Variants in CCDC196 observed in about 807,000 individuals in gnomAD.
CCDC196 encodes the protein coiled-coil domain-containing protein 196.
chr14:66,490,608 T>C (rs1179791474), intron 4 of CCDC196, 134 bp from the exon 5 acceptor site: 1 of 396,480 alleles, frequency 2.5e-6, no homozygotes, highest in Non-Finnish European at 4.4e-6. Context: ...CAACTCCCTT[T>C]GGTAGTACAC....
At chr14:66,494,074 A>G (rs1315503104) in intron 8 of CCDC196, 1 of 152,234 alleles carries the variant, frequency 6.6e-6, no homozygotes, top group Non-Finnish European at 1.5e-5. Context: ...TCAACTTTGA[A>G]TTGGAACAGC....
chr14:66,487,357 T>C (rs138809773), intron 2 of CCDC196, among the ~76,000 whole-genome samples: 21 of 152,278 alleles, frequency 1.4e-4, no homozygotes, highest in Non-Finnish European at 2.8e-4. Context: ...CTTTATTCTA[T>C]ACCCTTATCA....
Position 66,498,167 on chromosome 14 carries a change from G to A in CCDC196, c.774G>A (p.Val258=), listed in dbSNP as rs960051966. ...RVTTGRNEHH[V]RILGTKIYTE... ...CTACTGGCAGAAATGAACACCATGT[G>A]GTGAGAACTACTTTCTTTAAACAAA... Residue 258 remains valine, a splice_region_variant and synonymous_variant, in exon 9 of 10, where the codon GTG becomes GTA. Coordinates refer to ENST00000636229, the MANE Select transcript of CCDC196 (RefSeq NM_001351576.1). 2.7e-5 allele frequency: 11 copies of A among 412,344 alleles called. No homozygotes were observed. The highest frequency in any genetic ancestry group is 6.2e-5 in the African/African-American group (3 of 48,452). 25.5% of individuals were successfully genotyped at this position (412,344 alleles called of 1,614,324 possible). A position where few individuals can be genotyped will look rare whatever the true frequency, so the allele number is the denominator to read the frequency against.
intron 6 of CCDC196, 83 bp downstream of exon 6, chr14:66,491,187 A>T (rs1355967328): frequency 1.7e-5 from 7 of 407,732 alleles, no homozygotes; most frequent in Middle Eastern, 1.2e-3. Context: ...TGCCTAAGGT[A>T]TGGTGTGCTC....
intron 8 of CCDC196, among the ~76,000 whole-genome samples, chr14:66,493,269 G>A (rs554843738): frequency 8.5e-5 from 13 of 152,270 alleles, no homozygotes; most frequent in African/African-American, 2.9e-4. Flanking sequence ...AGTTGAAGCC[G>A]GGCAAATACA....
intron 8 of CCDC196, chr14:66,492,965 G>C (rs552073691): frequency 6.6e-6 from 1 of 152,382 alleles, no homozygotes; most frequent in Non-Finnish European, 1.5e-5. Context: ...CAGAATTTAC[G>C]GCAATATTAG....
At chr14:66,497,836 T>C (rs1285930837) in intron 8 of CCDC196, among the ~76,000 whole-genome samples, 1 of 152,168 alleles carries the variant, frequency 6.6e-6, no homozygotes, top group African/African-American at 2.4e-5. Context: ...GGTATGTATA[T>C]ATACACATAA....
At chr14:66,491,981 GA>G (rs2057550462) in intron 7 of CCDC196, 71 bp from the exon 8 acceptor site, 1 of 410,876 alleles carries the variant, frequency 2.4e-6, no homozygotes, top group East Asian at 3.6e-5. Context: ...TCTGGGTAAA[GA>G]GGATTCAGGT....
chr14:66,496,022 C>T (rs760408209), intron 8 of CCDC196, among the ~76,000 whole-genome samples: 19 of 152,052 alleles, frequency 1.2e-4, no homozygotes, highest in Non-Finnish European at 1.8e-4. Context: ...ATAAATCAGG[C>T]GATTGGGGCA....
At chr14:66,488,555 T>G (rs759588623) in intron 3 of CCDC196, among the ~76,000 whole-genome samples, 2 of 152,180 alleles carry the variant, frequency 1.3e-5, no homozygotes, top group African/African-American at 4.8e-5. Flanking sequence ...AAATATTTGC[T>G]ATAAAGAATA....
rs2057714934 is a variant in CCDC196 at position 66,498,332 on chromosome 14, CCT to C, written c.775-18_775-17del. On this transcript the variant is annotated intron_variant, in intron 9 of 9. Coordinates refer to ENST00000636229, the MANE Select transcript of CCDC196 (RefSeq NM_001351576.1). ...ACTCAATATTTTAGCTGTCCTTTTT[CCT>C]CTGTTTTTTCCTGTCTAGAGAATTC... The C allele has an allele frequency of 4.8e-6, 2 of 412,540 alleles. No homozygotes were observed. The highest frequency in any genetic ancestry group is 8.9e-6 in the Non-Finnish European group (2 of 225,634). 25.6% of individuals were successfully genotyped at this position (412,540 alleles called of 1,614,324 possible).
intron 8 of CCDC196, among the ~76,000 whole-genome samples, chr14:66,494,290 A>C (rs1269037407): frequency 6.6e-6 from 1 of 152,188 alleles, no homozygotes; most frequent in African/African-American, 2.4e-5. Flanking sequence ...GGTTTGTTTG[A>C]GCCCAAGTGG....
At chr14:66,493,933 G>A (rs539099742) in intron 8 of CCDC196, 1 of 152,198 alleles carries the variant, frequency 6.6e-6, no homozygotes, top group African/African-American at 2.4e-5. Context: ...TCATCTCAAG[G>A]GATCTATATG....
intron 3 of CCDC196, 94 bp from the exon 4 acceptor site, chr14:66,488,893 T>C: frequency 2.5e-6 from 1 of 406,080 alleles, no homozygotes; most frequent in Non-Finnish European, 4.5e-6. Flanking sequence ...CCCTGGACCC[T>C]TTTTCCACTA....
chr14:66,497,541 G>C (rs1206710396), intron 8 of CCDC196, among the ~76,000 whole-genome samples: 1 of 152,060 alleles, frequency 6.6e-6, no homozygotes, highest in Non-Finnish European at 1.5e-5. Context: ...AATATTTCAT[G>C]AGATATATGA....
At chr14:66,487,049 T>A (rs2057419205) in intron 2 of CCDC196, among the ~76,000 whole-genome samples, 1 of 152,056 alleles carries the variant, frequency 6.6e-6, no homozygotes, top group African/African-American at 2.4e-5. Context: ...TAACTCTTCC[T>A]CCCCAGGCTG....
intron 8 of CCDC196, among the ~76,000 whole-genome samples, chr14:66,497,547 T>C (rs966612321): frequency 6.6e-6 from 1 of 152,166 alleles, no homozygotes; most frequent in Non-Finnish European, 1.5e-5. Context: ...TCATGAGATA[T>C]ATGAAAAATT....
In CCDC196 at chr14:66,490,739, C is replaced by T. The variant is rs2057515319; in HGVS notation, c.352-3C>T. The T allele has an allele frequency of 2.5e-6, 1 of 399,292 alleles. No homozygotes were observed. Among genetic ancestry groups the T allele is most frequent in the Admixed American group, 4.4e-5 (1 of 22,712 alleles). 24.7% of individuals were successfully genotyped at this position (399,292 alleles called of 1,614,324 possible). A position where few individuals can be genotyped will look rare whatever the true frequency, so the allele number is the denominator to read the frequency against. On this transcript the variant is annotated splice_region_variant and splice_polypyrimidine_tract_variant and intron_variant, in intron 4 of 9. Transcript: ENST00000636229. ...AAAGCTTTGCCAAAATGTCTTTCCA[C>T]AGACATTCGAGGCAGAAGAACTTAG...
intron 8 of CCDC196, chr14:66,495,580 G>T (rs563739160): frequency 6.6e-6 from 1 of 152,182 alleles, no homozygotes; most frequent in Non-Finnish European, 1.5e-5. Context: ...TTTATTATCT[G>T]TTTAACGTAT....
Sources: gnomAD v4.1 joint callset for allele counts (sites outside exome capture counted in the v4.1 genomes callset) on GRCh38, gnomAD v4.1.1 for gene constraint, MANE v1.5 for transcripts, NCBI Gene and HGNC (gene_info 2026-07-23, HGNC 2026-07-21) for gene names.